Variants in RAB11FIP3 observed in about 807,000 individuals in gnomAD.
RAB11FIP3 encodes rab11 family-interacting protein 3.
In RAB11FIP3, 17 loss-of-function variants were observed where a neutral mutation model predicts 77.8. The ratio of observed to expected loss-of-function variants is 0.22; its 90% CI spans 0.15 to 0.33. The LOEUF (loss-of-function observed/expected upper bound fraction) is 0.33. Among genes scored for constraint, RAB11FIP3 ranks in the 10% least tolerant of loss-of-function variants. The pLI, the probability that RAB11FIP3 is intolerant of heterozygous loss-of-function variation, is 1.00. For synonymous variants in RAB11FIP3, 437 were observed against 448.2 expected, an observed-to-expected ratio of 0.98 and a Z score of 0.31; for missense variants, 1,005 against 1,011.2, an observed-to-expected ratio of 0.99 and a Z score of 0.08.
In RAB11FIP3 at chr16:472,375, C is replaced by T. The variant is rs1471918657; in HGVS notation, c.903+986C>T. Among the ~76,000 whole-genome samples, 1 of 152,210 alleles carries T rather than the reference C, an allele frequency of 6.6e-6. No homozygotes were observed. The highest frequency in any genetic ancestry group is 1.5e-5 in the Non-Finnish European group (1 of 68,022). On this transcript the variant is annotated intron_variant, in intron 3 of 13. Transcript: ENST00000262305. The surrounding 1 kb of genome is among the most constrained non-coding windows in gnomAD (Gnocchi z 4.1). ...CAGCTTCTGGGGCCAGGGCGCCCACCGTGGGTCCCATGTTTGGCCTTGGTG... is the reference window on the plus strand; with the variant it reads ...CAGCTTCTGGGGCCAGGGCGCCCACTGTGGGTCCCATGTTTGGCCTTGGTG...
At chr16:427,447 G>T (rs1483847081) in intron 1 of RAB11FIP3, among the ~76,000 whole-genome samples, 1 of 152,216 alleles carries the variant, frequency 6.6e-6, no homozygotes, top group Non-Finnish European at 1.5e-5. Flanking sequence ...ACAGTACAGT[G>T]TGGAAGGGGT....
In RAB11FIP3 at chr16:522,176, G is replaced by A. The variant is rs1419044307; in HGVS notation, c.*1337G>A. On this transcript the variant is annotated 3_prime_UTR_variant, in exon 14 of 14. Coordinates refer to ENST00000262305, the MANE Select transcript of RAB11FIP3 (RefSeq NM_014700.4). ...GAGATTTTTCTATCATGTAGAGTAG[G>A]TATTTTTTATAGATTGAAGGTTGAT... 1.3e-5 allele frequency: 2 copies of A among 151,048 alleles called. No individual in the cohort carries two copies. Among genetic ancestry groups the A allele is most frequent in the South Asian group, 2.1e-4 (1 of 4,800 alleles). 9.4% of individuals were successfully genotyped at this position (151,048 alleles called of 1,614,324 possible).
intron 4 of RAB11FIP3, among the ~76,000 whole-genome samples, chr16:483,465 C>G (rs7191283): frequency 0.15 from 22,693 of 152,152 alleles, 2,400 homozygotes; most frequent in African/African-American, 0.3. Context: ...CAGACTCTGA[C>G]AAAGGCGGAC....
At chr16:487,568 C>T (rs1053004476) in intron 4 of RAB11FIP3, among the ~76,000 whole-genome samples, 2 of 152,198 alleles carry the variant, frequency 1.3e-5, no homozygotes, top group East Asian at 3.9e-4. Flanking sequence ...GCGCGGTCCT[C>T]CTGACTCTGC....
At chr16:457,843 G>A (rs940483505) in intron 1 of RAB11FIP3, among the ~76,000 whole-genome samples, 1 of 152,194 alleles carries the variant, frequency 6.6e-6, no homozygotes, top group African/African-American at 2.4e-5. Flanking sequence ...TCTGGACTCC[G>A]GATTAGGTAA....
chr16:464,111 AG>A (rs2141659652), intron 2 of RAB11FIP3, among the ~76,000 whole-genome samples: 1 of 152,198 alleles, frequency 6.6e-6, no homozygotes, highest in South Asian at 2.1e-4. Flanking sequence ...CGTGCAGGCA[AG>A]CTCTGGGTCA....
chr16:491,941 T>G (rs758710432), intron 5 of RAB11FIP3, among the ~76,000 whole-genome samples: 16 of 152,200 alleles, frequency 1.1e-4, no homozygotes, highest in Non-Finnish European at 2.2e-4. Context: ...TACAGGCTCA[T>G]GCTGGCAATC....
rs2055802712 is a variant in RAB11FIP3 at position 471,236 on chromosome 16, G to T, written c.809-59G>T. 1 of 1,477,242 alleles carries T rather than the reference G, an allele frequency of 6.8e-7. No homozygotes were observed. 91.5% of individuals were successfully genotyped at this position (1,477,242 alleles called of 1,614,324 possible). The stretch of plus-strand genomic sequence containing the variant: ...TCCCAGGGAGTCCCGAGGCCGCCAG[G>T]GGTCCCGTCACTGGGTGGCTATGGG... On this transcript the variant is annotated intron_variant, in intron 2 of 13. Coordinates refer to ENST00000262305, the MANE Select transcript of RAB11FIP3 (RefSeq NM_014700.4). This position sits in a 1 kb window ranked among gnomAD's most constrained non-coding sequence, Gnocchi z 4.4.
intron 1 of RAB11FIP3, among the ~76,000 whole-genome samples, chr16:427,144 C>T (rs926951517): frequency 6.6e-6 from 1 of 152,218 alleles, no homozygotes; most frequent in Non-Finnish European, 1.5e-5. Flanking sequence ...AAGTTCTAGC[C>T]GCAGAGGCCA....
intron 3 of RAB11FIP3, chr16:477,726 G>C: frequency 4.2e-6 from 4 of 949,798 alleles, no homozygotes; most frequent in Non-Finnish European, 5.0e-6. Flanking sequence ...GGATGCTCTT[G>C]AGGAATGACT....
intron 5 of RAB11FIP3, among the ~76,000 whole-genome samples, chr16:496,015 G>T (rs2031096199): frequency 6.6e-6 from 1 of 152,166 alleles, no homozygotes; most frequent in Admixed American, 6.6e-5. Flanking sequence ...CTCCCAAAGT[G>T]CTCAGATTGT....
intron 8 of RAB11FIP3, among the ~76,000 whole-genome samples, chr16:509,228 G>A (rs1402708561): frequency 2.6e-5 from 4 of 152,214 alleles, no homozygotes; most frequent in Non-Finnish European, 5.9e-5. Context: ...TCCTTCCCAC[G>A]CTTTCAGTTC....
At chr16:437,108 TCC>T (rs2055142492) in intron 1 of RAB11FIP3, among the ~76,000 whole-genome samples, 1 of 151,772 alleles carries the variant, frequency 6.6e-6, no homozygotes, top group African/African-American at 2.4e-5. Context: ...CAAAACCCTG[TCC>T]CTACTAAAAA....
intron 11 of RAB11FIP3, 41 bp from the exon 12 acceptor site, chr16:520,081 G>C: frequency 6.5e-7 from 1 of 1,539,752 alleles, no homozygotes; most frequent in Admixed American, 2.0e-5. Context: ...GTGGCCCCTG[G>C]GAGCCCAGGC....
At chr16:492,540 A>AGGGCCCTCCCCGGGAGACCC (rs2030655052) in intron 5 of RAB11FIP3, among the ~76,000 whole-genome samples, 4 of 137,880 alleles carry the variant, frequency 2.9e-5, no homozygotes, top group Admixed American at 7.1e-5. Flanking sequence ...GAGGCCGTCC[A>AGGGCCCTCCCCGGGAGACCC]GAATCTTGGA....
rs1021773870 is a variant in RAB11FIP3 at position 520,926 on chromosome 16, G to T, written c.*87G>T. On this transcript the variant is annotated 3_prime_UTR_variant, in exon 14 of 14. Transcript: ENST00000262305. ...GACCATGAGGAGCCAAGACCAGCAGGTCCCACAGCCGACAGTGCCCAGAGC... is the reference window on the plus strand; with the variant it reads ...GACCATGAGGAGCCAAGACCAGCAGTTCCCACAGCCGACAGTGCCCAGAGC... The T allele has an allele frequency of 9.0e-7, 1 of 1,115,716 alleles. No homozygotes were observed. 69.1% of individuals were successfully genotyped at this position (1,115,716 alleles called of 1,614,324 possible).
intron 1 of RAB11FIP3, among the ~76,000 whole-genome samples, chr16:448,730 C>T (rs1414885643): frequency 3.1e-5 from 4 of 129,100 alleles, no homozygotes; most frequent in African/African-American, 6.1e-5. Flanking sequence ...AACGAGACTC[C>T]GTCTCAAGAA....
chr16:457,669 C>T (rs1012198890), intron 1 of RAB11FIP3, among the ~76,000 whole-genome samples: 2 of 152,152 alleles, frequency 1.3e-5, no homozygotes, highest in African/African-American at 4.8e-5. Flanking sequence ...TTGATTCACT[C>T]TTGTTCATTC....
intron 1 of RAB11FIP3, among the ~76,000 whole-genome samples, chr16:445,377 T>A (rs2055297596): frequency 6.6e-6 from 1 of 151,392 alleles, no homozygotes; most frequent in Non-Finnish European, 1.5e-5. Flanking sequence ...AGGCGGAGTT[T>A]ACAGTGAGCT....
Sources: gnomAD v4.1 joint callset for allele counts (sites outside exome capture counted in the v4.1 genomes callset) on GRCh38, gnomAD v4.1.1 for gene constraint, Gnocchi (gnomAD v3.1) non-coding constraint, MANE v1.5 for transcripts, NCBI Gene and HGNC (gene_info 2026-07-23, HGNC 2026-07-21) for gene names.